The following C7orf25 variants were observed in gnomAD, a reference collection of about 807,000 sequenced individuals.
C7orf25 encodes UPF0415 protein C7orf25.
Under a neutral mutation model 25.5 loss-of-function variants are expected in C7orf25, and 14 were observed. The observed-to-expected ratio is 0.55, with a 90% CI of 0.36 to 0.86. The LOEUF is 0.86. C7orf25 is among the 40% of genes least tolerant of loss of function. The pLI is 0.01. For synonymous variants in C7orf25, 184 were observed against 179.9 expected (o/e 1.02, Z -0.18); for missense variants, 405 against 493.9 (o/e 0.82, Z 1.71).
At chr7:42,910,945 T>C in intron 1 of C7orf25, 24 bp from the exon 2 acceptor site, 1 of 1,607,396 alleles carries the variant, frequency 6.2e-7, no homozygotes, top group South Asian at 1.1e-5. Context: ...CAAGGCAAAC[T>C]TCAGTAGTCT....
rs1358842166 is a variant in C7orf25, at chr7:42,909,979, C to G, written c.922G>C (p.Val308Leu). ...DKELFACESA[V>L]KDFQSILDTL... ...TCTAAAATAGACTGAAAGTCCTTGA[C>G]AGCAGATTCACAAGCAAACAACTCC... The change falls in exon 2 of 2, where the codon GTC becomes CTC. Residue 308 changes from valine to leucine, a missense_variant. Physicochemically the swap from Val to Leu is conservative, Grantham distance 32. Transcript: ENST00000350427. 1 of 1,614,070 alleles carries G rather than the reference C, an allele frequency of 6.2e-7. No individual in the cohort carries two copies. The highest frequency in any genetic ancestry group is 1.3e-5 in the African/African-American group (1 of 74,924).
At chr7:42,911,850 C>G in intron 1 of C7orf25, 65 bp downstream of exon 1, 1 of 1,354,956 alleles carries the variant, frequency 7.4e-7, no homozygotes. Flanking sequence ...CCCTGCCCAG[C>G]CCCCTCTGGC....
At position 42,910,562 on chromosome 7, in the gene C7orf25, AC is replaced by A. The variant is rs1168964231; in HGVS notation, c.338del (p.Gly113ValfsTer5). The A allele has an allele frequency of 6.2e-7, 1 of 1,614,232 alleles. No homozygotes were observed. The highest frequency in any genetic ancestry group is 1.1e-5 in the South Asian group (1 of 91,086). Reference sequence around the variant, plus strand: ...GGCCAATGGCTTTCACCCAAGTATGACCACCATTTGCAACTACATCTACCAC... The same window carrying A: ...GGCCAATGGCTTTCACCCAAGTATGACACCATTTGCAACTACATCTACCAC... ...TLVVDVVANG[G>X]HTWVKAIGRK... On this transcript the variant is annotated frameshift_variant, in exon 2 of 2. Coordinates refer to ENST00000350427, the MANE Select transcript of C7orf25 (RefSeq NM_001099858.2). LOFTEE classifies it high-confidence loss of function.
chr7:42,910,336 T>C lies in C7orf25; in HGVS notation c.565A>G (p.Arg189Gly). The C allele has an allele frequency of 6.2e-7, 1 of 1,614,206 alleles. No homozygotes were observed. Among genetic ancestry groups the C allele is most frequent in the Non-Finnish European group, 8.5e-7 (1 of 1,180,034 alleles). The stretch of plus-strand genomic sequence containing the variant: ...GCGTTGACTGCTACTATGTCTCCTC[T>C]CACAGATATGCCCATTTCTTTCAGC... ...EKLKEMGISV[R>G]GDIVAVNALL... The change falls in exon 2 of 2, where the codon AGA becomes GGA. Residue 189 changes from arginine to glycine, a missense_variant. Coordinates refer to ENST00000350427, the MANE Select transcript of C7orf25 (RefSeq NM_001099858.2).
chr7:42,910,276 C>G lies in C7orf25; in HGVS notation c.625G>C (p.Glu209Gln), dbSNP rs760970916. The G allele has an allele frequency of 3.7e-6, 6 of 1,614,218 alleles. No individual in the cohort carries two copies. Among genetic ancestry groups the G allele is most frequent in the Non-Finnish European group, 5.1e-6 (6 of 1,180,048 alleles). Residue 209 changes from glutamate (E) to glutamine (Q), a missense_variant, in exon 2 of 2, where the codon GAG (glutamate) becomes CAG (glutamine). Transcript: ENST00000350427. ...LDHPEELQPS[E>Q]SESDDEGPEL... ...GGGCCCTCATCATCTGATTCACTCT[C>G]ACTTGGTTGAAGCTCTTCAGGGTGA...
chr7:42,911,603 T>TCCAA, intron 1 of C7orf25: 1 of 1,046,556 alleles, frequency 9.6e-7, no homozygotes, highest in Non-Finnish European at 1.1e-6. Flanking sequence ...GAAACTAAAC[T>TCCAA]CCAAGGCTGC....
In C7orf25 at chr7:42,910,046, T is replaced by TG; in HGVS notation, c.854_855insC (p.Lys285AsnfsTer21). The TG allele has an allele frequency of 1.2e-6, 2 of 1,614,212 alleles. No homozygotes were observed. The highest frequency in any genetic ancestry group is 1.7e-6 in the Non-Finnish European group (2 of 1,180,052). On this transcript the variant is annotated frameshift_variant, in exon 2 of 2. Coordinates refer to ENST00000350427, the MANE Select transcript of C7orf25 (RefSeq NM_001099858.2). LOFTEE classifies it high-confidence loss of function. ...CCTCCAGCTGAGGTAGAACCTGCTC[T>TG]TTCCTCTCTTGCTCTGCTTGTTCTG...
Position 42,910,360 on chromosome 7 carries a change from GCTT to G in C7orf25, c.538_540del (p.Lys180del). On this transcript the variant is annotated inframe_deletion, in exon 2 of 2. Coordinates refer to ENST00000350427, the MANE Select transcript of C7orf25 (RefSeq NM_001099858.2). ...CTCACAGATATGCCCATTTCTTTCA[GCTT>G]CTCTGCCATGGGGCTGGAGACACTG... 6.2e-7 allele frequency: 1 copy of G among 1,614,194 alleles called. No individual in the cohort carries two copies. The highest frequency in any genetic ancestry group is 8.5e-7 in the Non-Finnish European group (1 of 1,180,048).
chr7:42,910,726 T>G lies in C7orf25; in HGVS notation c.175A>C (p.Ile59Leu). The G allele has an allele frequency of 6.8e-6, 11 of 1,614,198 alleles. No homozygotes were observed. The highest frequency in any genetic ancestry group is 9.3e-6 in the Non-Finnish European group (11 of 1,180,042). ...LQKVEAGKVA[I>L]KESHLQSTNL... The stretch of plus-strand genomic sequence containing the variant: ...GTGCTCTGTAAATGAGACTCTTTAA[T>G]AGCTACTTTCCCAGCTTCTACTTTC... The change falls in exon 2 of 2, where the codon ATT (isoleucine) becomes CTT (leucine). Residue 59 changes from isoleucine (I) to leucine (L), a missense_variant. Physicochemically the swap from Ile to Leu is conservative, Grantham distance 5. Transcript: ENST00000350427.
At position 42,910,917 on chromosome 7, in the gene C7orf25, CTTTCCTAG is replaced by C; in HGVS notation, c.-21-4_-18del. 1 of 1,611,334 alleles carries C rather than the reference CTTTCCTAG, an allele frequency of 6.2e-7. No homozygotes were observed. The highest frequency in any genetic ancestry group is 8.5e-7 in the Non-Finnish European group (1 of 1,179,502). ...TGCAGACATGCTGTCAGCATTATTC[CTTTCCTAG>C]GGAAAGAAACAAGGCAAACTTCAGT... On this transcript the variant is annotated splice_acceptor_variant and splice_polypyrimidine_tract_variant and 5_prime_UTR_variant and intron_variant, in exon 2 of 2. Coordinates refer to ENST00000350427, the MANE Select transcript of C7orf25 (RefSeq NM_001099858.2). LOFTEE classifies it low-confidence loss of function (5UTR_SPLICE).
chr7:42,909,578 A>G lies in C7orf25; in HGVS notation c.*57T>C. The stretch of plus-strand genomic sequence containing the variant: ...CTTTTTTCCCACCAGTTTAGATGGG[A>G]AGACCCAGCCTTTGGTATAAATAAC... On this transcript the variant is annotated 3_prime_UTR_variant, in exon 2 of 2. Coordinates refer to ENST00000350427, the MANE Select transcript of C7orf25 (RefSeq NM_001099858.2). The G allele has an allele frequency of 5.9e-6, 9 of 1,536,896 alleles. No homozygotes were observed. The highest frequency in any genetic ancestry group is 7.9e-6 in the Non-Finnish European group (9 of 1,144,434).
chr7:42,912,011 C>T lies in C7orf25; in HGVS notation c.-118G>A, dbSNP rs769598216. On this transcript the variant is annotated 5_prime_UTR_variant, in exon 1 of 2. Coordinates refer to ENST00000350427, the MANE Select transcript of C7orf25 (RefSeq NM_001099858.2). ...TCAACCGGGCAGCCCCCACCCCGCT[C>T]GAACGCCGAGGCGGCTCCACCCGCG... 872 of 1,485,914 alleles carry T rather than the reference C, an allele frequency of 5.9e-4. No homozygotes were observed. The highest frequency in any genetic ancestry group is 7.4e-4 in the Non-Finnish European group (831 of 1,125,572). The allele number at this position is 1,485,914 out of a possible 1,614,324, so 92.0% of individuals were successfully genotyped here. A position where few individuals can be genotyped will look rare whatever the true frequency, so the allele number is the denominator to read the frequency against.
In C7orf25 at chr7:42,909,878, A is replaced by C. The variant is rs1428487200; in HGVS notation, c.1023T>G (p.Pro341=). The change falls in exon 2 of 2, where the codon CCT becomes CCG. Residue 341 remains proline, a synonymous_variant. Transcript: ENST00000350427. ...IKRINVVPDQ[P]SERALRLVAS... ...CCACTAGTCTCAAGGCACGCTCAGA[A>C]GGCTGGTCTGGTACCACATTAATTC... 1 of 1,614,132 alleles carries C rather than the reference A, an allele frequency of 6.2e-7. No homozygotes were observed. Among genetic ancestry groups the C allele is most frequent in the African/African-American group, 1.3e-5 (1 of 74,944 alleles).
Position 42,909,629 on chromosome 7 carries a change from G to C in C7orf25, c.*6C>G. On this transcript the variant is annotated 3_prime_UTR_variant, in exon 2 of 2. Coordinates refer to ENST00000350427, the MANE Select transcript of C7orf25 (RefSeq NM_001099858.2). ...TTACTTCCACAAAAATATTTAAAGG[G>C]TATCTTTAGTGTTCACTGTCAGTTG... 1 of 1,601,894 alleles carries C rather than the reference G, an allele frequency of 6.2e-7. No homozygotes were observed. The highest frequency in any genetic ancestry group is 8.5e-7 in the Non-Finnish European group (1 of 1,175,138).
intron 1 of C7orf25, chr7:42,911,449 C>G: frequency 9.9e-7 from 1 of 1,005,388 alleles, no homozygotes; most frequent in Non-Finnish European, 1.2e-6. Flanking sequence ...TGATTTCCCC[C>G]GAGGCTTGGG....
At chr7:42,911,690 G>A in intron 1 of C7orf25, 3 of 1,155,860 alleles carry the variant, frequency 2.6e-6, no homozygotes, top group Non-Finnish European at 3.2e-6. Context: ...GGCCTTCTCG[G>A]TGGGCTGCGG....
Position 42,909,660 on chromosome 7 carries a change from T to A in C7orf25, c.1241A>T (p.Asp414Val), listed in dbSNP as rs555819467. 103 of 1,613,274 alleles carry A rather than the reference T, an allele frequency of 6.4e-5. No homozygotes were observed. In the South Asian group the frequency reaches 1.1e-3, roughly 18 times the overall value. ...KEALATPLPKDYTTDSEH is the reference protein window; with the variant it reads ...KEALATPLPKVYTTDSEH Reference sequence around the variant, plus strand: ...TTAGTGTTCACTGTCAGTTGTGTAGTCTTTTGGTAAGGGGGTGGCTAGAGC... The same window carrying A: ...TTAGTGTTCACTGTCAGTTGTGTAGACTTTTGGTAAGGGGGTGGCTAGAGC... The change falls in exon 2 of 2, where the codon GAC (aspartate) becomes GTC (valine). Residue 414 changes from aspartate to valine, a missense_variant. Physicochemically the swap from Asp to Val is radical, Grantham distance 152. Transcript: ENST00000350427.
At position 42,909,626 on chromosome 7, in the gene C7orf25, A is replaced by G. The variant is rs745861318; in HGVS notation, c.*9T>C. 2.5e-6 allele frequency: 4 copies of G among 1,589,830 alleles called. No homozygotes were observed. In the South Asian group the frequency reaches 4.6e-5, roughly 18 times the overall value. ...AACTTACTTCCACAAAAATATTTAA[A>G]GGGTATCTTTAGTGTTCACTGTCAG... On this transcript the variant is annotated 3_prime_UTR_variant, in exon 2 of 2. Transcript: ENST00000350427.
chr7:42,911,251 G>C (rs951272382), intron 1 of C7orf25: 5 of 586,514 alleles, frequency 8.5e-6, no homozygotes, highest in Non-Finnish European at 1.3e-5. Flanking sequence ...ATTCCCTTAT[G>C]TCTATCAGCG....
Sources: gnomAD v4.1 joint callset for allele counts on GRCh38, gnomAD v4.1.1 for gene constraint, MANE v1.5 for transcripts, NCBI Gene and HGNC (gene_info 2026-07-23, HGNC 2026-07-21) for gene names.